The following MLIP variants were observed in gnomAD, a reference collection of about 807,000 sequenced individuals.
MLIP encodes muscular LMNA interacting protein.
A neutral mutation model predicts 84.8 loss-of-function variants in MLIP; 79 were observed. The observed-to-expected ratio is 0.93, with a 90% CI of 0.78 to 1.12. MLIP has a LOEUF of 1.12. Among genes scored for constraint, MLIP ranks in the 50% most tolerant of loss-of-function variants. MLIP has a pLI of 0.00. For synonymous variants in MLIP, 504 were observed against 463.0 expected, an observed-to-expected ratio of 1.09 and a Z score of -1.14; for missense variants, 1,257 against 1,160.6, an observed-to-expected ratio of 1.08 and a Z score of -1.21.
chr6:54,219,525 T>C (rs1201273016), intron 11 of MLIP, among the ~76,000 whole-genome samples: 2 of 152,186 alleles, frequency 1.3e-5, no homozygotes, highest in African/African-American at 2.4e-5. Flanking sequence ...AACATCGTTA[T>C]GCAGTGCATG....
chr6:54,195,412 C>G (rs961702877), intron 10 of MLIP, among the ~76,000 whole-genome samples: 3 of 151,900 alleles, frequency 2.0e-5, no homozygotes, highest in Admixed American at 2.0e-4. Context: ...AAACATCAGT[C>G]CATTAGTGTT....
intron 5 of MLIP, among the ~76,000 whole-genome samples, chr6:54,158,753 G>A (rs1774306935): frequency 6.6e-6 from 1 of 152,010 alleles, no homozygotes; most frequent in Non-Finnish European, 1.5e-5. Context: ...CTAAAAGCAG[G>A]CTGAAATTCA....
intron 1 of MLIP, among the ~76,000 whole-genome samples, chr6:54,102,422 A>G (rs1017672912): frequency 1.3e-5 from 2 of 152,072 alleles, no homozygotes; most frequent in African/African-American, 4.8e-5. Context: ...AGTGATCTAG[A>G]CCAGAGATGC....
intron 13 of MLIP, among the ~76,000 whole-genome samples, chr6:54,265,497 G>A (rs1282010280): frequency 1.3e-5 from 2 of 152,184 alleles, no homozygotes; most frequent in South Asian, 4.1e-4. Context: ...GTTCCTTTTT[G>A]CAAAAGCTGG....
intron 1 of MLIP, among the ~76,000 whole-genome samples, chr6:54,118,220 G>T (rs1770126691): frequency 6.6e-6 from 1 of 152,172 alleles, no homozygotes. Flanking sequence ...AGCAATTTGA[G>T]CAACAAGAAC....
chr6:54,250,578 G>A (rs1453345995), intron 12 of MLIP, among the ~76,000 whole-genome samples: 2 of 152,060 alleles, frequency 1.3e-5, no homozygotes, highest in African/African-American at 2.4e-5. Context: ...ATATTTAACA[G>A]TGTTCATTCA....
chr6:54,161,115 T>C (rs1774597341), intron 8 of MLIP, among the ~76,000 whole-genome samples: 1 of 152,044 alleles, frequency 6.6e-6, no homozygotes, highest in South Asian at 2.1e-4. Flanking sequence ...TTTTTTTACA[T>C]TGATGTTTAG....
intron 1 of MLIP, among the ~76,000 whole-genome samples, chr6:54,112,469 C>G (rs780538117): frequency 3.9e-5 from 6 of 152,178 alleles, no homozygotes; most frequent in Admixed American, 6.5e-5. Context: ...TAATATTGTA[C>G]TGTTAGCTTA....
intron 9 of MLIP, among the ~76,000 whole-genome samples, chr6:54,176,649 G>A (rs1776314477): frequency 6.6e-6 from 1 of 151,816 alleles, no homozygotes; most frequent in African/African-American, 2.4e-5. Context: ...TAGATTCAAT[G>A]CTATTCCCAT....
At chr6:54,034,266 T>C (rs1307404103) in intron 1 of MLIP, among the ~76,000 whole-genome samples, 1 of 152,214 alleles carries the variant, frequency 6.6e-6, no homozygotes, top group Non-Finnish European at 1.5e-5. Context: ...AAACCCCTGA[T>C]AATCACTAAT....
intron 12 of MLIP, among the ~76,000 whole-genome samples, chr6:54,234,980 G>A (rs998462109): frequency 2.6e-5 from 4 of 152,022 alleles, no homozygotes; most frequent in Non-Finnish European, 5.9e-5. Flanking sequence ...CGTATCTTTA[G>A]CTGCTTGCTT....
At chr6:54,216,775 A>G (rs1475500251) in intron 11 of MLIP, 3 of 985,302 alleles carry the variant, frequency 3.0e-6, no homozygotes, top group Non-Finnish European at 3.6e-6. Flanking sequence ...TTTCTAAGCA[A>G]GAAGATATGC....
At chr6:54,163,272 G>A (rs1774846990) in intron 8 of MLIP, among the ~76,000 whole-genome samples, 2 of 150,942 alleles carry the variant, frequency 1.3e-5, no homozygotes, top group South Asian at 4.2e-4. Flanking sequence ...ATACCCTTTT[G>A]TCTAATTTTC....
chr6:54,032,267 T>G (rs1328323145), intron 1 of MLIP: 1 of 152,174 alleles, frequency 6.6e-6, no homozygotes, highest in Non-Finnish European at 1.5e-5. Context: ...ATCATGAAAT[T>G]CTTTACCACT....
At chr6:54,229,927 C>G (rs1334926115) in intron 11 of MLIP, among the ~76,000 whole-genome samples, 1 of 152,014 alleles carries the variant, frequency 6.6e-6, no homozygotes, top group Non-Finnish European at 1.5e-5. Flanking sequence ...TGCAACTTTT[C>G]TTTGTAGCCT....
chr6:54,127,422 A>ATTGCATAT (rs1360446791), intron 3 of MLIP, among the ~76,000 whole-genome samples: 6 of 152,158 alleles, frequency 3.9e-5, no homozygotes, highest in African/African-American at 1.4e-4. Flanking sequence ...TATTCAAAAG[A>ATTGCATAT]TTGCATATCT....
intron 12 of MLIP, among the ~76,000 whole-genome samples, chr6:54,245,675 TA>T (rs1782030384): frequency 1.3e-5 from 2 of 152,174 alleles, no homozygotes; most frequent in African/African-American, 4.8e-5. Context: ...ATTGTTTTTT[TA>T]AAAAAGTTTC....
chr6:54,201,463 C>A (rs1213670966), intron 10 of MLIP, among the ~76,000 whole-genome samples: 2 of 152,200 alleles, frequency 1.3e-5, no homozygotes, highest in African/African-American at 4.8e-5. Context: ...CTCAGCATAT[C>A]TGCTTTTTAG....
intron 9 of MLIP, among the ~76,000 whole-genome samples, chr6:54,185,060 C>T (rs958970771): frequency 1.3e-5 from 2 of 152,112 alleles, no homozygotes; most frequent in African/African-American, 4.8e-5. Context: ...CAACCTTTTC[C>T]CATCATCTGC....
Sources: gnomAD v4.1 joint callset for allele counts (sites outside exome capture counted in the v4.1 genomes callset) on GRCh38, gnomAD v4.1.1 for gene constraint, MANE v1.5 for transcripts, NCBI Gene and HGNC (gene_info 2026-07-23, HGNC 2026-07-21) for gene names.